BRMS1: variants seen among roughly 807,000 people sequenced by gnomAD.
BRMS1 encodes the protein breast cancer metastasis-suppressor 1.
BRMS1 carries 26 observed loss-of-function variants against 40.4 expected under a neutral mutation model. The observed-to-expected ratio is 0.64, with a 90% CI of 0.47 to 0.89. The LOEUF is 0.89. BRMS1 is among the 40% of genes least tolerant of loss of function. The pLI is 0.00. For missense variants in BRMS1, 289 were observed against 309.4 expected (o/e 0.93, Z 0.49); for synonymous variants, 103 against 116.0 (o/e 0.89, Z 0.72).
At chr11:66,338,542 T>C (rs752026265) in intron 8 of BRMS1, 179 bp downstream of exon 8, 3 of 1,409,920 alleles carry the variant, frequency 2.1e-6, no homozygotes, top group Admixed American at 2.1e-5. Flanking sequence ...TAGAAATCCC[T>C]TTTCCCAGGG....
Position 66,340,808 on chromosome 11 carries a change from C to T in BRMS1, c.501G>A (p.Leu167=). The T allele has an allele frequency of 6.2e-7, 1 of 1,613,670 alleles. No individual in the cohort carries two copies. Among genetic ancestry groups the T allele is most frequent in the Non-Finnish European group, 8.5e-7 (1 of 1,180,000 alleles). ...QGELQERIQR[L]EEDRQSLDLS... is the part of the protein sequence containing the mutation. Reference sequence around the variant, plus strand: ...GGTCCAGGCTCTGGCGGTCCTCCTCCAGCCTCTGGATCCGCTCCTGCAGCT... The same window carrying T: ...GGTCCAGGCTCTGGCGGTCCTCCTCTAGCCTCTGGATCCGCTCCTGCAGCT... Residue 167 remains leucine, a synonymous_variant, in exon 6 of 10, where the codon CTG becomes CTA. Coordinates refer to ENST00000359957, the MANE Select transcript of BRMS1 (RefSeq NM_015399.4).
Position 66,340,836 on chromosome 11 carries a change from C to G in BRMS1, c.473G>C (p.Gly158Ala), listed in dbSNP as rs1855048656. ...EKLLLYDTLQ[G>A]ELQERIQRLE... ...CCTCTGGATCCGCTCCTGCAGCTCCCCCTGCAGCGTGTCATAGAGCAGCAG... is the reference window on the plus strand; with the variant it reads ...CCTCTGGATCCGCTCCTGCAGCTCCGCCTGCAGCGTGTCATAGAGCAGCAG... The change falls in exon 6 of 10, where the codon GGG becomes GCG. Residue 158 changes from glycine to alanine, a missense_variant. By Grantham distance (60) the Gly-to-Ala change is moderately conservative. Transcript: ENST00000359957. The G allele has an allele frequency of 6.2e-7, 1 of 1,614,078 alleles. No individual in the cohort carries two copies. The highest frequency in any genetic ancestry group is 2.2e-5 in the East Asian group (1 of 44,888).
chr11:66,343,995 T>A (rs1855147455), intron 1 of BRMS1, among the ~76,000 whole-genome samples: 1 of 152,242 alleles, frequency 6.6e-6, no homozygotes, highest in South Asian at 2.1e-4. Context: ...TGCAGGCTTC[T>A]ATTTTATTGT....
At chr11:66,340,068 G>C (rs1268614041) in intron 7 of BRMS1, 53 bp downstream of exon 7, 1 of 1,496,962 alleles carries the variant, frequency 6.7e-7, no homozygotes, top group East Asian at 2.3e-5. Context: ...CCTGGGTCTG[G>C]AGTTGACCCT....
intron 1 of BRMS1, among the ~76,000 whole-genome samples, chr11:66,344,288 T>C (rs369180361): frequency 1.3e-5 from 2 of 152,202 alleles, no homozygotes; most frequent in Non-Finnish European, 2.9e-5. Flanking sequence ...GTCCCTGTAA[T>C]GGTAGCAAGC....
rs1855089522 is a variant in BRMS1 at position 66,341,877 on chromosome 11, T to C, written c.139+219A>G. On this transcript the variant is annotated intron_variant, in intron 2 of 9. Transcript: ENST00000359957. The surrounding 1 kb of genome is among the most constrained non-coding windows in gnomAD (Gnocchi z 4.9). ...TGTACTTGTGTGAAGGGGCTGTGTG[T>C]GTGCATACGTGCTTGTGTGTAGGGG... 1 of 669,496 alleles carries C rather than the reference T, an allele frequency of 1.5e-6. No homozygotes were observed. The highest frequency in any genetic ancestry group is 2.2e-5 in the Admixed American group (1 of 44,584). 41.5% of individuals were successfully genotyped at this position (669,496 alleles called of 1,614,324 possible).
At chr11:66,340,599 A>G (rs1855043168) in intron 6 of BRMS1, among the ~76,000 whole-genome samples, 175 bp downstream of exon 6, 1 of 152,148 alleles carries the variant, frequency 6.6e-6, no homozygotes, top group Non-Finnish European at 1.5e-5. Context: ...ACTCTGCTTG[A>G]GCCCCCATTA....
rs1246466389 is a variant in BRMS1 at position 66,341,780 on chromosome 11, T to TGC, written c.140-159_140-158dup. On this transcript the variant is annotated intron_variant, in intron 2 of 9. Transcript: ENST00000359957. This position sits in a 1 kb window ranked among gnomAD's most constrained non-coding sequence, Gnocchi z 4.9. ...TGCTTGTGTGAAGGGGCTGTGTGTG[T>TGC]GCGTGTGTGCTTGTGTGTAGGGGCT... 1.3e-5 allele frequency among the ~76,000 whole-genome samples: 2 copies of TGC among 151,208 alleles called. No homozygotes were observed. The highest frequency in any genetic ancestry group is 3.9e-4 in the East Asian group (2 of 5,146).
intron 1 of BRMS1, 102 bp downstream of exon 1, chr11:66,344,870 G>A (rs550993752): frequency 6.6e-6 from 1 of 152,416 alleles, no homozygotes; most frequent in East Asian, 1.9e-4. Context: ...GCACGCGTCA[G>A]GCCGGTTAAA....
At position 66,345,041 on chromosome 11, in the gene BRMS1, C is replaced by G. The variant is rs2298467; in HGVS notation, c.-77G>C. 1 of 152,296 alleles carries G rather than the reference C, an allele frequency of 6.6e-6. No individual in the cohort carries two copies. The highest frequency in any genetic ancestry group is 1.5e-5 in the Non-Finnish European group (1 of 68,066). 9.4% of individuals were successfully genotyped at this position (152,296 alleles called of 1,614,324 possible). A position where few individuals can be genotyped will look rare whatever the true frequency, so the allele number is the denominator to read the frequency against. On this transcript the variant is annotated 5_prime_UTR_variant, in exon 1 of 10. Coordinates refer to ENST00000359957, the MANE Select transcript of BRMS1 (RefSeq NM_015399.4). ...AGCTGCCCGTGGTTGCCGGTACCGG[C>G]TGCTGCCGCCGGACTCCCGTAGGCG...
chr11:66,344,483 A>T (rs1311922390), intron 1 of BRMS1: 2 of 152,208 alleles, frequency 1.3e-5, no homozygotes, highest in Non-Finnish European at 2.9e-5. Context: ...CACTGTTAGT[A>T]TATTCACTTT....
chr11:66,337,498 A>C lies in BRMS1; in HGVS notation c.*384T>G. The C allele has an allele frequency of 1.6e-6, 1 of 620,366 alleles. No individual in the cohort carries two copies. The highest frequency in any genetic ancestry group is 2.8e-6 in the Non-Finnish European group (1 of 355,566). 38.4% of individuals were successfully genotyped at this position (620,366 alleles called of 1,614,324 possible). A position where few individuals can be genotyped will look rare whatever the true frequency, so the allele number is the denominator to read the frequency against. ...CTGACTCAGAGTTCCCGCACAGTGG[A>C]AACTGGCTCCCTGGCCCTGAGGCCG... On this transcript the variant is annotated 3_prime_UTR_variant, in exon 10 of 10. Transcript: ENST00000359957.
chr11:66,338,309 C>T lies in BRMS1; in HGVS notation c.694-27G>A, dbSNP rs1421334036. On this transcript the variant is annotated intron_variant, in intron 8 of 9. Transcript: ENST00000359957. Reference sequence around the variant, plus strand: ...TGGGTGGGTGAGAAGAAAAGCTCCCCTGAGAGCCCACCTCCAGCTTGGCAA... The same window carrying T: ...TGGGTGGGTGAGAAGAAAAGCTCCCTTGAGAGCCCACCTCCAGCTTGGCAA... The T allele has an allele frequency of 2.5e-6, 4 of 1,598,090 alleles. No individual in the cohort carries two copies. In the South Asian group the frequency reaches 4.5e-5, roughly 18 times the overall value.
chr11:66,338,869 C>T (rs906699071), intron 7 of BRMS1, 84 bp from the exon 8 acceptor site: 3 of 1,357,072 alleles, frequency 2.2e-6, no homozygotes, highest in Non-Finnish European at 3.0e-6. Context: ...AGTGGGGGTA[C>T]AGCGGACAGC....
Position 66,340,786 on chromosome 11 carries a change from C to T in BRMS1, c.523G>A (p.Asp175Asn). The T allele has an allele frequency of 6.2e-7, 1 of 1,612,276 alleles. No homozygotes were observed. The highest frequency in any genetic ancestry group is 2.2e-5 in the East Asian group (1 of 44,876). ...QRLEEDRQSL[D>N]LSSEWWDDKL... ...CTCTCGCGCTTACCAGAGCTGAGGT[C>T]CAGGCTCTGGCGGTCCTCCTCCAGC... The change falls in exon 6 of 10, where the codon GAC becomes AAC. Residue 175 changes from aspartate to asparagine, a missense_variant. Physicochemically the swap from Asp to Asn is conservative, Grantham distance 23. Transcript: ENST00000359957.
chr11:66,338,447 G>A, intron 8 of BRMS1, 165 bp from the exon 9 acceptor site: 1 of 1,511,078 alleles, frequency 6.6e-7, no homozygotes, highest in African/African-American at 1.4e-5. Context: ...CCTGACTGCT[G>A]GCCAGCTCAG....
In BRMS1 at chr11:66,342,130, G is replaced by T. The variant is rs772166702; in HGVS notation, c.105C>A (p.Ser35Arg). The T allele has an allele frequency of 1.2e-6, 2 of 1,613,574 alleles. No individual in the cohort carries two copies. The highest frequency in any genetic ancestry group is 2.2e-5 in the South Asian group (2 of 91,072). ...GEEEESEEER[S>R]GSQTESEEES... ...CCTCTTCTGACTCTGTCTGGCTGCCGCTCCGCTCCTCCTCACTCTCTTCCT... is the reference window on the plus strand; with the variant it reads ...CCTCTTCTGACTCTGTCTGGCTGCCTCTCCGCTCCTCCTCACTCTCTTCCT... Residue 35 changes from serine (S) to arginine (R), a missense_variant, in exon 2 of 10, where the codon AGC becomes AGA. Ser to Arg is a moderately radical substitution (Grantham distance 110). Transcript: ENST00000359957.
rs534942289 is a variant in BRMS1, at chr11:66,342,312, T to C, written c.-7-71A>G. 4.3e-4 allele frequency: 682 copies of C among 1,567,858 alleles called. 8 individuals carry two copies. In the South Asian group the frequency reaches 6.8e-3, roughly 16 times the overall value. On this transcript the variant is annotated intron_variant, in intron 1 of 9. Transcript: ENST00000359957. ...GAGGGGGAAAGAGGCAGCAGGATGC[T>C]GAACACAACTCGATCCCAGATGGGG... is the stretch of plus-strand genomic sequence containing the variant.
In BRMS1 at chr11:66,338,727, G is replaced by A. The variant is rs754310366; in HGVS notation, c.687C>T (p.Ile229=). 3.1e-6 allele frequency: 5 copies of A among 1,608,254 alleles called. No individual in the cohort carries two copies. In the South Asian group the frequency reaches 5.5e-5, roughly 18 times the overall value. ...EIDILEDWTA[I]KKARAAVSPQ... ...GGGCAGCAGCGGCCCCCACCTTTTT[G>A]ATGGCTGTCCAGTCCTCCAGGATGT... Residue 229 remains isoleucine, a synonymous_variant, in exon 8 of 10, where the codon ATC becomes ATT. Transcript: ENST00000359957.
Sources: allele counts gnomAD v4.1 joint callset (sites outside exome capture counted in the v4.1 genomes callset), GRCh38; gene constraint gnomAD v4.1.1; non-coding constraint Gnocchi (gnomAD v3.1); transcripts MANE v1.5; gene names NCBI Gene and HGNC (gene_info 2026-07-23, HGNC 2026-07-21).